The following MDH2 variants were observed in gnomAD, a reference collection of about 807,000 sequenced individuals.
MDH2 encodes malate dehydrogenase 2, also known as malate dehydrogenase, mitochondrial.
Under a neutral mutation model 33.6 loss-of-function variants are expected in MDH2, and 25 were observed. The observed-to-expected ratio is 0.74, with a 90% CI of 0.54 to 1.04. MDH2 has a LOEUF of 1.04. Among genes scored for constraint, MDH2 ranks in the 50% least tolerant of loss-of-function variants. The probability of loss-of-function intolerance (pLI) is 0.00; values close to 1 mark genes in which losing one functional copy is unlikely to be tolerated. For missense variants in MDH2, 432 were observed against 445.0 expected (o/e 0.97, Z 0.26); for synonymous variants, 193 against 188.7 (o/e 1.02, Z -0.19).
chr7:76,055,022 G>T (rs782462370), intron 2 of MDH2, 24 bp downstream of exon 2: 2 of 1,587,048 alleles, frequency 1.3e-6, no homozygotes, highest in Admixed American at 1.8e-5. Flanking sequence ...TGACCCTGGA[G>T]ACTTGCTTCC....
intron 5 of MDH2, 21 bp from the exon 6 acceptor site, chr7:76,063,494 G>A (rs1465296): frequency 9.3e-6 from 15 of 1,613,186 alleles, no homozygotes; most frequent in Middle Eastern, 1.6e-4. Context: ...AACTCATCCA[G>A]CTTCATACTT....
intron 8 of MDH2, among the ~76,000 whole-genome samples, chr7:76,065,474 G>A (rs1264716072): frequency 6.6e-6 from 1 of 152,162 alleles, no homozygotes; most frequent in Non-Finnish European, 1.5e-5. Flanking sequence ...TCATCACGTG[G>A]CCAGAAAGTA....
chr7:76,049,013 A>G (rs948513466), intron 1 of MDH2: 2 of 890,802 alleles, frequency 2.2e-6, no homozygotes, highest in African/African-American at 2.3e-5. Context: ...CATTTTTACC[A>G]GGTGAATCTA....
chr7:76,048,566 T>C, intron 1 of MDH2: 2 of 1,313,656 alleles, frequency 1.5e-6, no homozygotes, highest in East Asian at 3.1e-5. Context: ...ACTTACGTTT[T>C]TTTCTGCAGC....
chr7:76,060,613 G>A (rs925961000), intron 5 of MDH2, 115 bp downstream of exon 5: 9 of 1,437,680 alleles, frequency 6.3e-6, no homozygotes, highest in South Asian at 1.4e-5. Flanking sequence ...TCACTTTGGG[G>A]TTTTAAATGT....
chr7:76,052,600 GTCACC>G (rs1554585644), intron 1 of MDH2, among the ~76,000 whole-genome samples: 8 of 146,408 alleles, frequency 5.5e-5, no homozygotes. Flanking sequence ...CTGTTGGTCT[GTCACC>G]CAGGCTGGAG....
chr7:76,051,681 T>C (rs73366095), intron 1 of MDH2, among the ~76,000 whole-genome samples: 4 of 152,350 alleles, frequency 2.6e-5, no homozygotes, highest in African/African-American at 7.2e-5. Flanking sequence ...TATTTACTTA[T>C]AGGTATATGT....
chr7:76,059,808 C>G (rs1487162515), intron 4 of MDH2, among the ~76,000 whole-genome samples: 1 of 152,202 alleles, frequency 6.6e-6, no homozygotes, highest in East Asian at 1.9e-4. Context: ...TAACCAGTGC[C>G]TAATAGAAAC....
intron 5 of MDH2, among the ~76,000 whole-genome samples, chr7:76,061,312 G>C (rs1214309090): frequency 6.6e-6 from 1 of 152,214 alleles, no homozygotes; most frequent in East Asian, 1.9e-4. Context: ...CCGAGTGACA[G>C]GCACATCTGC....
In MDH2 at chr7:76,064,368, C is replaced by T. The variant is rs1240068332; in HGVS notation, c.663C>T (p.Asp221=). 6.2e-6 allele frequency: 10 copies of T among 1,613,374 alleles called. No individual in the cohort carries two copies. Among genetic ancestry groups the T allele is most frequent in the African/African-American group, 4.0e-5 (3 of 74,902 alleles). ...QCTPKVDFPQ[D]QLTALTGRIQ... ...CCCCCAAGGTGGACTTTCCCCAGGACCAGCTGACAGCACTCACTGGGCGGA... is the reference window on the plus strand; with the variant it reads ...CCCCCAAGGTGGACTTTCCCCAGGATCAGCTGACAGCACTCACTGGGCGGA... The change falls in exon 7 of 9, where the codon GAC becomes GAT. Residue 221 remains aspartate (D), a synonymous_variant. Transcript: ENST00000315758.
At chr7:76,048,266 C>T (rs782796360) in intron 1 of MDH2, 40 bp downstream of exon 1, 3 of 1,522,946 alleles carry the variant, frequency 2.0e-6, no homozygotes, top group Admixed American at 2.0e-5. Context: ...GGAGGCCCCC[C>T]GGCCCGGGCC....
chr7:76,057,508 G>T lies in MDH2; in HGVS notation c.319+15G>T, dbSNP rs2116673725. The T allele has an allele frequency of 6.2e-7, 1 of 1,613,216 alleles. No homozygotes were observed. The highest frequency in any genetic ancestry group is 8.5e-7 in the Non-Finnish European group (1 of 1,179,220). ...CAGAAAGCCAGGTTTGTGTTTGAAA[G>T]CCTTGTCTGGTACCTCCCCACGTGA... On this transcript the variant is annotated intron_variant, in intron 3 of 8. Transcript: ENST00000315758.
chr7:76,061,220 T>TAGA (rs2116687836), intron 5 of MDH2, among the ~76,000 whole-genome samples: 1 of 152,302 alleles, frequency 6.6e-6, no homozygotes, highest in East Asian at 1.9e-4. Flanking sequence ...TTCAGGCCTT[T>TAGA]TTGTTCTGAT....
At chr7:76,065,151 G>C (rs551950463) in intron 8 of MDH2, 198 bp downstream of exon 8, 48 of 571,714 alleles carry the variant, frequency 8.4e-5, no homozygotes, top group African/African-American at 8.3e-4. Flanking sequence ...GAACCTCCCA[G>C]CAAGTGGGTC....
chr7:76,052,430 CAAAAAAAAA>C (rs57185949), intron 1 of MDH2, among the ~76,000 whole-genome samples: 202 of 128,682 alleles, frequency 1.6e-3, no homozygotes, highest in Admixed American at 1.8e-3. Context: ...GACCCTATCT[CAAAAAAAAA>C]AAAAAAAAAA....
chr7:76,058,936 C>T (rs1343550790), intron 4 of MDH2, among the ~76,000 whole-genome samples: 2 of 152,216 alleles, frequency 1.3e-5, no homozygotes, highest in Non-Finnish European at 2.9e-5. Context: ...CATCCTGCTA[C>T]TCAGGATGGC....
rs201528060 is a variant in MDH2 at position 76,063,531 on chromosome 7, G to C, written c.572G>C (p.Arg191Pro). Reference protein sequence around the residue: ...VAELKGLDPARVNVPVIGGHA... With the variant: ...VAELKGLDPAPVNVPVIGGHA... ...GGTCACCAGGGTTTGGATCCAGCTC[G>C]AGTCAACGTCCCTGTCATTGGTGGC... Residue 191 changes from arginine to proline, a missense_variant, in exon 6 of 9, where the codon CGA becomes CCA. Transcript: ENST00000315758. 1.2e-5 allele frequency: 20 copies of C among 1,614,208 alleles called. No individual in the cohort carries two copies. In the East Asian group the frequency reaches 3.8e-4, roughly 31 times the overall value.
Position 76,067,153 on chromosome 7 carries a change from G to A in MDH2, c.*743G>A, listed in dbSNP as rs1281803283. The stretch of plus-strand genomic sequence containing the variant: ...GTTTCCATCAGTGGCCTAAAGAAGG[G>A]ACTTCTTGTTGTACTGAGGAGTGCG... On this transcript the variant is annotated 3_prime_UTR_variant, in exon 9 of 9. Transcript: ENST00000315758. 1.3e-5 allele frequency: 2 copies of A among 152,284 alleles called. No individual in the cohort carries two copies. The highest frequency in any genetic ancestry group is 2.9e-5 in the Non-Finnish European group (2 of 68,090). The allele number at this position is 152,284 out of a possible 1,614,324, so 9.4% of individuals were successfully genotyped here.
At chr7:76,052,838 A>G (rs952298179) in intron 1 of MDH2, among the ~76,000 whole-genome samples, 1 of 152,054 alleles carries the variant, frequency 6.6e-6, no homozygotes, top group African/African-American at 2.4e-5. Flanking sequence ...CACCACGCCC[A>G]GCCCAGAAGA....
Sources: allele counts gnomAD v4.1 joint callset (sites outside exome capture counted in the v4.1 genomes callset), GRCh38; gene constraint gnomAD v4.1.1; transcripts MANE v1.5; gene names NCBI Gene and HGNC (gene_info 2026-07-23, HGNC 2026-07-21).